PDSS2: variants seen among roughly 807,000 people sequenced by gnomAD.
PDSS2 encodes the protein all trans-polyprenyl-diphosphate synthase PDSS2.
A neutral mutation model predicts 44.5 loss-of-function variants in PDSS2; 31 were observed. The ratio of observed to expected loss-of-function variants is 0.70; its 90% CI spans 0.52 to 0.94. The LOEUF (loss-of-function observed/expected upper bound fraction) is 0.94. PDSS2 is among the 40% of genes least tolerant of loss of function. The pLI is 0.00. For synonymous variants in PDSS2, 157 were observed against 180.3 expected, an observed-to-expected ratio of 0.87 and a Z score of 1.03; for missense variants, 452 against 482.2, an observed-to-expected ratio of 0.94 and a Z score of 0.59.
intron 4 of PDSS2, among the ~76,000 whole-genome samples, chr6:107,226,112 T>A (rs1773811023): frequency 6.6e-6 from 1 of 152,030 alleles, no homozygotes; most frequent in African/African-American, 2.4e-5. Context: ...ATCGAGACCA[T>A]CCTGGCTAAC....
intron 1 of PDSS2, among the ~76,000 whole-genome samples, chr6:107,443,103 A>G (rs1781558976): frequency 6.6e-6 from 1 of 152,086 alleles, no homozygotes; most frequent in East Asian, 1.9e-4. Flanking sequence ...TGTTTCCCTG[A>G]CTAACAAGCA....
intron 6 of PDSS2, among the ~76,000 whole-genome samples, chr6:107,206,287 G>A (rs1273477697): frequency 6.6e-6 from 1 of 152,144 alleles, no homozygotes; most frequent in Non-Finnish European, 1.5e-5. Flanking sequence ...GGACAGGCTG[G>A]TCTGGAACTG....
At chr6:107,220,876 G>A (rs1773579237) in intron 4 of PDSS2, among the ~76,000 whole-genome samples, 1 of 152,042 alleles carries the variant, frequency 6.6e-6, no homozygotes, top group Non-Finnish European at 1.5e-5. Context: ...ATTTCCATCA[G>A]CTTGCCGTGT....
intron 1 of PDSS2, among the ~76,000 whole-genome samples, chr6:107,402,439 C>T (rs561302785): frequency 0.17 from 1,213 of 6,948 alleles, 29 homozygotes; most frequent in African/African-American, 0.38. Flanking sequence ...TATATATATA[C>T]ACACACACAC....
At chr6:107,256,313 T>A (rs1456159889) in intron 3 of PDSS2, among the ~76,000 whole-genome samples, 1 of 152,148 alleles carries the variant, frequency 6.6e-6, no homozygotes, top group Admixed American at 6.5e-5. Flanking sequence ...TGGATCCTGT[T>A]AGATTCCTGA....
intron 7 of PDSS2, among the ~76,000 whole-genome samples, chr6:107,173,285 G>A (rs2114395953): frequency 6.6e-6 from 1 of 150,934 alleles, no homozygotes. Context: ...TATTGAACAG[G>A]AAAACAGGCC....
chr6:107,213,441 C>T (rs9372155), intron 4 of PDSS2, among the ~76,000 whole-genome samples: 115,919 of 151,684 alleles, frequency 0.76, 45,048 homozygotes, highest in East Asian at 0.99. Context: ...TGAGTCACTG[C>T]GCCCAGTTTA....
chr6:107,295,053 TCC>T (rs1776468776), intron 2 of PDSS2, among the ~76,000 whole-genome samples: 1 of 152,110 alleles, frequency 6.6e-6, no homozygotes, highest in Non-Finnish European at 1.5e-5. Context: ...TGCCCCAGCC[TCC>T]TGAGTAGCTG....
intron 1 of PDSS2, among the ~76,000 whole-genome samples, chr6:107,390,326 A>G (rs1006272295): frequency 6.6e-6 from 1 of 152,118 alleles, no homozygotes; most frequent in African/African-American, 2.4e-5. Context: ...AAATTATGTG[A>G]AAAGAAGGGC....
intron 2 of PDSS2, among the ~76,000 whole-genome samples, chr6:107,321,657 A>G (rs943783101): frequency 1.3e-5 from 2 of 152,044 alleles, no homozygotes; most frequent in African/African-American, 4.8e-5. Flanking sequence ...AACCAGCTCT[A>G]CTTCTGCCAT....
chr6:107,158,872 G>A (rs542510577), intron 7 of PDSS2, among the ~76,000 whole-genome samples: 1 of 151,916 alleles, frequency 6.6e-6, no homozygotes, highest in Non-Finnish European at 1.5e-5. Flanking sequence ...GGGATTACAG[G>A]TGCCCACCGC....
chr6:107,447,016 A>G (rs905547670), intron 1 of PDSS2, among the ~76,000 whole-genome samples: 1 of 152,102 alleles, frequency 6.6e-6, no homozygotes, highest in African/African-American at 2.4e-5. Context: ...ACACAAGGCA[A>G]GTCCCTTCTA....
At chr6:107,422,162 G>A (rs1446087185) in intron 1 of PDSS2, among the ~76,000 whole-genome samples, 1 of 148,148 alleles carries the variant, frequency 6.8e-6, no homozygotes, top group African/African-American at 2.5e-5. Flanking sequence ...GTCAATAGGA[G>A]ATAGTGCAAA....
At chr6:107,448,494 A>T (rs750986196) in intron 1 of PDSS2, among the ~76,000 whole-genome samples, 18 of 152,308 alleles carry the variant, frequency 1.2e-4, no homozygotes, top group Non-Finnish European at 2.2e-4. Context: ...CCAGTTCCCA[A>T]CAAGTTTCTC....
intron 1 of PDSS2, among the ~76,000 whole-genome samples, chr6:107,429,841 G>A (rs539772513): frequency 3.1e-5 from 4 of 130,334 alleles, no homozygotes; most frequent in African/African-American, 8.5e-5. Context: ...CCAAGATCGC[G>A]CCATTGCACT....
At chr6:107,298,673 GTGTT>G (rs1299021661) in intron 2 of PDSS2, among the ~76,000 whole-genome samples, 61 of 152,296 alleles carry the variant, frequency 4.0e-4, no homozygotes, top group Non-Finnish European at 5.9e-5. Context: ...ATAGGCATAT[GTGTT>G]TGTACAGATG....
At chr6:107,167,309 G>A (rs1229162850) in intron 7 of PDSS2, among the ~76,000 whole-genome samples, 1 of 152,088 alleles carries the variant, frequency 6.6e-6, no homozygotes, top group African/African-American at 2.4e-5. Context: ...GTATTTCTGT[G>A]GGATCAGTGG....
chr6:107,296,036 G>A (rs2192913), intron 2 of PDSS2, among the ~76,000 whole-genome samples: 1 of 152,142 alleles, frequency 6.6e-6, no homozygotes, highest in South Asian at 2.1e-4. Context: ...GCAAAGCTGG[G>A]TCGTGGTTCA....
rs1197173821 is a variant in PDSS2 at position 107,447,077 on chromosome 6, T to TA, written c.296+11912dup. On this transcript the variant is annotated intron_variant, in intron 1 of 7. Coordinates refer to ENST00000369037, the MANE Select transcript of PDSS2 (RefSeq NM_020381.4). ...GGCCGGGCGCAGTGGCTCACGCCTG[T>TA]AATCCCAGCACTTTGGGAGGCTGAG... Among the ~76,000 whole-genome samples, 3 of 152,292 alleles carry TA rather than the reference T, an allele frequency of 2.0e-5. No individual in the cohort carries two copies. In the East Asian group the frequency reaches 5.8e-4, roughly 29 times the overall value.
Sources: allele counts gnomAD v4.1 joint callset (sites outside exome capture counted in the v4.1 genomes callset), GRCh38; gene constraint gnomAD v4.1.1; transcripts MANE v1.5; gene names NCBI Gene and HGNC (gene_info 2026-07-23, HGNC 2026-07-21).